Variants in HMGB1 observed in about 807,000 individuals in gnomAD.
HMGB1 encodes the protein high mobility group box 1.
For missense variants in HMGB1, 79 were observed against 253.5 expected (o/e 0.31, Z 4.67); for synonymous variants, 81 against 84.0 (o/e 0.96, Z 0.19).
intron 1 of HMGB1, chr13:30,465,294 C>T: frequency 7.1e-6 from 1 of 140,944 alleles, no homozygotes; most frequent in Non-Finnish European, 1.6e-5. Flanking sequence ...CCGCCCGCCC[C>T]GCCGCCCGCC....
rs1474751791 is a variant in HMGB1, at chr13:30,475,132, CTCTCTCT to C, written c.-14-11445_-14-11439del. ...CTTGGCTCACTGTCTCTCTCTCTCT[CTCTCTCT>C]TTTTTTTTTTTTTTTTTTTTGAGAC... On this transcript the variant is annotated intron_variant, in intron 1 of 4. Coordinates refer to the HMGB1 transcript ENST00000405805. 2.7e-3 allele frequency among the ~76,000 whole-genome samples: 131 copies of C among 47,720 alleles called. 2 individuals are homozygous for C. The highest frequency in any genetic ancestry group is 5.4e-3 in the African/African-American group (74 of 13,722). The allele number at this position is 47,720 out of a possible 152,430, so 31.3% of individuals were successfully genotyped here.
intron 1 of HMGB1, among the ~76,000 whole-genome samples, chr13:30,474,959 G>GGTTGT (rs1887042576): frequency 1.6e-5 from 1 of 64,032 alleles, no homozygotes; most frequent in Non-Finnish European, 2.6e-5. Context: ...TTCTTTTTTT[G>GGTTGT]TTTTTTTTTT....
intron 4 of HMGB1, chr13:30,461,781 T>C: frequency 1.2e-6 from 1 of 828,670 alleles, no homozygotes; most frequent in Non-Finnish European, 1.9e-6. Flanking sequence ...TATGCCTCAT[T>C]GAGGTGCAAT....
At chr13:30,600,620 T>C (rs1950389423) in intron 1 of HMGB1, among the ~76,000 whole-genome samples, 1 of 152,300 alleles carries the variant, frequency 6.6e-6, no homozygotes, top group Non-Finnish European at 1.5e-5. Flanking sequence ...GCTTTTTTTT[T>C]CCTGAGACGG....
At chr13:30,472,131 A>G (rs1886958998) in intron 1 of HMGB1, among the ~76,000 whole-genome samples, 1 of 152,038 alleles carries the variant, frequency 6.6e-6, no homozygotes, top group Admixed American at 6.5e-5. Context: ...GACCAAAATG[A>G]GTCCGGGTGT....
At chr13:30,570,414 G>A (rs1870376069) in intron 1 of HMGB1, among the ~76,000 whole-genome samples, 2 of 152,338 alleles carry the variant, frequency 1.3e-5, no homozygotes, top group South Asian at 4.1e-4. Flanking sequence ...TGCATAACGG[G>A]ATTCTCATTT....
At chr13:30,557,815 A>G (rs1475535084) in intron 1 of HMGB1, among the ~76,000 whole-genome samples, 1 of 152,242 alleles carries the variant, frequency 6.6e-6, no homozygotes, top group African/African-American at 2.4e-5. Flanking sequence ...TATGAAATAC[A>G]GTTCCAGAAA....
chr13:30,568,489 CAG>C (rs1457729196), intron 1 of HMGB1, among the ~76,000 whole-genome samples: 5 of 152,086 alleles, frequency 3.3e-5, no homozygotes, highest in African/African-American at 1.2e-4. Context: ...GCCTGGGTGA[CAG>C]AGTCAGACTC....
At chr13:30,566,156 A>G (rs1269251793) in intron 1 of HMGB1, among the ~76,000 whole-genome samples, 1 of 152,170 alleles carries the variant, frequency 6.6e-6, no homozygotes, top group Non-Finnish European at 1.5e-5. Context: ...AGTTTGGTGC[A>G]AAGTAATTGT....
intron 1 of HMGB1, among the ~76,000 whole-genome samples, chr13:30,526,253 C>T (rs1192364508): frequency 3.3e-5 from 5 of 152,098 alleles, no homozygotes; most frequent in Non-Finnish European, 7.3e-5. Context: ...GATGGGGTTT[C>T]ACCATGTTGG....
chr13:30,544,993 C>CT (rs1163165887), intron 1 of HMGB1, among the ~76,000 whole-genome samples: 1 of 152,168 alleles, frequency 6.6e-6, no homozygotes, highest in Non-Finnish European at 1.5e-5. Flanking sequence ...TTTATATAGC[C>CT]TCTGATCTTG....
chr13:30,613,224 C>T (rs952780002), intron 1 of HMGB1, among the ~76,000 whole-genome samples: 6 of 152,152 alleles, frequency 3.9e-5, no homozygotes, highest in South Asian at 2.1e-4. Flanking sequence ...GGATTACAGG[C>T]ATGTGCCACC....
intron 1 of HMGB1, among the ~76,000 whole-genome samples, chr13:30,569,622 T>C (rs1175599104): frequency 1.3e-5 from 2 of 152,174 alleles, no homozygotes; most frequent in South Asian, 2.1e-4. Context: ...TGAGATGACA[T>C]ATTTACTAAG....
chr13:30,475,138 C>G (rs78247385), intron 1 of HMGB1, among the ~76,000 whole-genome samples: 1 of 26,070 alleles, frequency 3.8e-5, no homozygotes, highest in Non-Finnish European at 6.2e-5. Context: ...CTCTCTCTCT[C>G]TTTTTTTTTT....
At position 30,458,742 on chromosome 13, in the gene HMGB1, TTCTTA is replaced by T. The variant is rs1886116534; in HGVS notation, c.*2610_*2614del. On this transcript the variant is annotated 3_prime_UTR_variant, in exon 5 of 5. Transcript: ENST00000341423. Reference sequence around the variant, plus strand: ...GGCAGTTTGTGTTACATGGGCGCTTTTCTTATCTTTATCATTTAATCATTACCCCT... The same window carrying T: ...GGCAGTTTGTGTTACATGGGCGCTTTTCTTTATCATTTAATCATTACCCCT... 1 of 152,220 alleles carries T rather than the reference TTCTTA, an allele frequency of 6.6e-6. No homozygotes were observed. The highest frequency in any genetic ancestry group is 2.4e-5 in the African/African-American group (1 of 41,462). 9.4% of individuals were successfully genotyped at this position (152,220 alleles called of 1,614,324 possible).
chr13:30,460,140 T>C lies in HMGB1; in HGVS notation c.*1217A>G, dbSNP rs1886220691. ...GAGTTTGTTTTGTAAAGAAAAATCATTCAAATAAATTGAATAATTCATACT... is the reference window on the plus strand; with the variant it reads ...GAGTTTGTTTTGTAAAGAAAAATCACTCAAATAAATTGAATAATTCATACT... On this transcript the variant is annotated 3_prime_UTR_variant, in exon 5 of 5. Transcript: ENST00000341423. 1 of 150,112 alleles carries C rather than the reference T, an allele frequency of 6.7e-6. No individual in the cohort carries two copies. The highest frequency in any genetic ancestry group is 1.5e-5 in the Non-Finnish European group (1 of 67,936). The allele number at this position is 150,112 out of a possible 1,614,324, so 9.3% of individuals were successfully genotyped here. A position where few individuals can be genotyped will look rare whatever the true frequency, so the allele number is the denominator to read the frequency against.
At chr13:30,495,165 A>G (rs974580998) in intron 1 of HMGB1, among the ~76,000 whole-genome samples, 3 of 152,156 alleles carry the variant, frequency 2.0e-5, no homozygotes, top group Admixed American at 6.5e-5. Context: ...GACTATTTCA[A>G]TGGGCTATTC....
chr13:30,459,712 G>A lies in HMGB1; in HGVS notation c.*1645C>T, dbSNP rs1886189033. ...CCATTAACCTATTTATAAGCATAAAGTGAGTATTTTTAAAGGGAAAAACTT... is the reference window on the plus strand; with the variant it reads ...CCATTAACCTATTTATAAGCATAAAATGAGTATTTTTAAAGGGAAAAACTT... On this transcript the variant is annotated 3_prime_UTR_variant, in exon 5 of 5. Transcript: ENST00000341423. 1 of 152,098 alleles carries A rather than the reference G, an allele frequency of 6.6e-6. No homozygotes were observed. Among genetic ancestry groups the A allele is most frequent in the African/African-American group, 2.4e-5 (1 of 41,428 alleles). 9.4% of individuals were successfully genotyped at this position (152,098 alleles called of 1,614,324 possible).
At chr13:30,518,890 T>A (rs1191347131) in intron 1 of HMGB1, among the ~76,000 whole-genome samples, 2 of 151,042 alleles carry the variant, frequency 1.3e-5, no homozygotes, top group Non-Finnish European at 2.9e-5. Context: ...CCCAGCTAAT[T>A]TTTTATTTTA....
Sources: gnomAD v4.1 joint callset for allele counts (sites outside exome capture counted in the v4.1 genomes callset) on GRCh38, gnomAD v4.1.1 for gene constraint, MANE v1.5 for transcripts, NCBI Gene and HGNC (gene_info 2026-07-23, HGNC 2026-07-21) for gene names.